ZMIZ1: variants seen among roughly 807,000 people sequenced by gnomAD.
The protein encoded by ZMIZ1 is zinc finger MIZ domain-containing protein 1.
ZMIZ1 carries 17 observed loss-of-function variants against 113.9 expected under a neutral mutation model. The ratio of observed to expected loss-of-function variants is 0.15; its 90% CI spans 0.10 to 0.22. ZMIZ1 has a LOEUF of 0.22. Ranked by LOEUF, ZMIZ1 falls within the 10% of genes least tolerant of loss-of-function variation. The pLI is 1.00. For missense variants in ZMIZ1, 1,059 were observed against 1,477.8 expected, an observed-to-expected ratio of 0.72 and a Z score of 4.65; for synonymous variants, 607 against 603.1, an observed-to-expected ratio of 1.01 and a Z score of -0.09.
intron 1 of ZMIZ1, among the ~76,000 whole-genome samples, chr10:79,104,950 G>GGGGGGTGTGTGTGTGTGTGTGTGT (rs1190362797): frequency 2.9e-5 from 4 of 140,092 alleles, no homozygotes; most frequent in African/African-American, 1.1e-4. Flanking sequence ...GTTGTTGTGG[G>GGGGGGTGTGTGTGTGTGTGTGTGT]GTGTGTGTGT....
At chr10:79,248,768 G>C (rs1850362253) in intron 7 of ZMIZ1, among the ~76,000 whole-genome samples, 1 of 152,178 alleles carries the variant, frequency 6.6e-6, no homozygotes, top group African/African-American at 2.4e-5. Context: ...CCTGTTTGTG[G>C]AGTCTCTCCC....
chr10:79,274,912 C>T (rs534530166), intron 7 of ZMIZ1, among the ~76,000 whole-genome samples: 5 of 152,264 alleles, frequency 3.3e-5, no homozygotes, highest in African/African-American at 7.2e-5. Flanking sequence ...GTGGTGCCTC[C>T]GCCCCCTGCA....
intron 4 of ZMIZ1, among the ~76,000 whole-genome samples, chr10:79,189,441 G>C (rs996453986): frequency 6.6e-6 from 1 of 152,200 alleles, no homozygotes; most frequent in Non-Finnish European, 1.5e-5. Context: ...CTCAGGGCGA[G>C]GCTAAGTTTC....
rs563511830 is a variant in ZMIZ1 at position 79,213,528 on chromosome 10, G to T, written c.175-2641G>T. The stretch of plus-strand genomic sequence containing the variant: ...AGACTCCCTGCTCCAGCACCCACCC[G>T]GCTGGCCCTTAGAGCCGCCATACAG... On this transcript the variant is annotated intron_variant, in intron 6 of 24. Coordinates refer to ENST00000334512, the MANE Select transcript of ZMIZ1 (RefSeq NM_020338.4). 2.0e-5 allele frequency among the ~76,000 whole-genome samples: 3 copies of T among 152,288 alleles called. No individual in the cohort carries two copies. In the East Asian group the frequency reaches 5.8e-4, roughly 29 times the overall value.
intron 2 of ZMIZ1, among the ~76,000 whole-genome samples, chr10:79,130,383 C>G (rs1403554936): frequency 2.6e-5 from 4 of 152,202 alleles, no homozygotes; most frequent in Non-Finnish European, 5.9e-5. Context: ...AGTGCCAGGC[C>G]CAGCGCTGTC....
At chr10:79,201,732 T>C in intron 5 of ZMIZ1, 40 bp downstream of exon 5, 2 of 1,603,152 alleles carry the variant, frequency 1.2e-6, no homozygotes, top group Non-Finnish European at 1.7e-6. Flanking sequence ...GCGGGGCAGA[T>C]GGGGCGGGCT....
chr10:79,161,153 C>T (rs2132491594), intron 3 of ZMIZ1, among the ~76,000 whole-genome samples: 1 of 152,332 alleles, frequency 6.6e-6, no homozygotes, highest in Non-Finnish European at 1.5e-5. Flanking sequence ...CACCCGCAGG[C>T]CCTGCACTTC....
At chr10:79,111,207 G>A (rs577279879) in intron 1 of ZMIZ1, among the ~76,000 whole-genome samples, 6 of 152,276 alleles carry the variant, frequency 3.9e-5, no homozygotes, top group South Asian at 4.1e-4. Flanking sequence ...CTGAAGAAAC[G>A]AGGCCCTGGC....
chr10:79,248,660 G>A (rs1850356407), intron 7 of ZMIZ1, among the ~76,000 whole-genome samples: 1 of 152,170 alleles, frequency 6.6e-6, no homozygotes, highest in Non-Finnish European at 1.5e-5. Context: ...GGGGGCGAGG[G>A]CAGCCAGCTC....
intron 4 of ZMIZ1, among the ~76,000 whole-genome samples, chr10:79,168,998 A>C (rs1846489186): frequency 6.6e-6 from 1 of 152,206 alleles, no homozygotes; most frequent in Non-Finnish European, 1.5e-5. Flanking sequence ...AGTTTGGGAA[A>C]CAGCAAGCAC....
intron 4 of ZMIZ1, among the ~76,000 whole-genome samples, chr10:79,174,712 A>G (rs555027299): frequency 2.6e-5 from 4 of 152,346 alleles, no homozygotes; most frequent in African/African-American, 9.6e-5. Flanking sequence ...TAATTCAGAA[A>G]TGTGGCTGAG....
intron 7 of ZMIZ1, among the ~76,000 whole-genome samples, chr10:79,252,022 G>A (rs1034626203): frequency 6.6e-6 from 1 of 152,172 alleles, no homozygotes; most frequent in Non-Finnish European, 1.5e-5. Context: ...CGAGCACTTG[G>A]CTTCCACTGT....
At chr10:79,221,996 T>C (rs79309217) in intron 7 of ZMIZ1, among the ~76,000 whole-genome samples, 9,007 of 152,274 alleles carry the variant, frequency 0.059, 779 homozygotes, top group African/African-American at 0.19. Flanking sequence ...CCTTGGAGCT[T>C]CCGCAGGATG....
At chr10:79,282,333 G>A (rs1407847970) in intron 8 of ZMIZ1, among the ~76,000 whole-genome samples, 1 of 152,222 alleles carries the variant, frequency 6.6e-6, no homozygotes, top group Non-Finnish European at 1.5e-5. Context: ...AGGTGAGCTT[G>A]GGTGAGCTGG....
intron 7 of ZMIZ1, among the ~76,000 whole-genome samples, chr10:79,218,210 A>T (rs1295484883): frequency 6.6e-6 from 1 of 152,228 alleles, no homozygotes; most frequent in Non-Finnish European, 1.5e-5. Flanking sequence ...GCAGTGGCTC[A>T]CACCTGTAAT....
At chr10:79,260,554 C>T (rs1851205616) in intron 7 of ZMIZ1, among the ~76,000 whole-genome samples, 1 of 152,188 alleles carries the variant, frequency 6.6e-6, no homozygotes, top group Non-Finnish European at 1.5e-5. Context: ...CCAAAGCCAC[C>T]AGCAGTGGTT....
chr10:79,266,057 C>T (rs1851581559), intron 7 of ZMIZ1, among the ~76,000 whole-genome samples: 1 of 152,224 alleles, frequency 6.6e-6, no homozygotes, highest in Non-Finnish European at 1.5e-5. Context: ...GACTGGCCTG[C>T]GCCCTGAGAA....
chr10:79,312,776 C>A lies in ZMIZ1; in HGVS notation c.*27C>A. The A allele has an allele frequency of 6.2e-7, 1 of 1,602,056 alleles. No homozygotes were observed. The highest frequency in any genetic ancestry group is 8.6e-7 in the Non-Finnish European group (1 of 1,169,024). On this transcript the variant is annotated 3_prime_UTR_variant, in exon 25 of 25. Transcript: ENST00000334512. Reference sequence around the variant, plus strand: ...GGCCACCCGGTCGGGGCCATCCCTCCACACTCTGCATCCTACCCCACCTAC... The same window carrying A: ...GGCCACCCGGTCGGGGCCATCCCTCAACACTCTGCATCCTACCCCACCTAC...
Position 79,300,750 on chromosome 10 carries a change from G to C in ZMIZ1, c.1827G>C (p.Gln609His). 1 of 1,613,942 alleles carries C rather than the reference G, an allele frequency of 6.2e-7. No individual in the cohort carries two copies. The highest frequency in any genetic ancestry group is 1.1e-5 in the South Asian group (1 of 91,072). ...TLMWRSDLEL[Q>H]FKCYHHEDRQ... ...CACCTAGGTCTGACCTGGAGCTGCAGTTCAAGTGCTACCACCACGAGGACC... is the reference window on the plus strand; with the variant it reads ...CACCTAGGTCTGACCTGGAGCTGCACTTCAAGTGCTACCACCACGAGGACC... Residue 609 changes from glutamine to histidine, a missense_variant, in exon 17 of 25, where the codon CAG becomes CAC. Coordinates refer to ENST00000334512, the MANE Select transcript of ZMIZ1 (RefSeq NM_020338.4).
Sources: allele counts gnomAD v4.1 joint callset (sites outside exome capture counted in the v4.1 genomes callset), GRCh38; gene constraint gnomAD v4.1.1; transcripts MANE v1.5; gene names NCBI Gene and HGNC (gene_info 2026-07-23, HGNC 2026-07-21).